Variants in C4orf51 observed in about 807,000 individuals in gnomAD.
C4orf51 encodes the protein chromosome 4 open reading frame 51, also known as uncharacterized protein C4orf51.
Under a neutral mutation model 25.2 loss-of-function variants are expected in C4orf51, and 25 were observed. The observed-to-expected ratio is 0.99, with a 90% confidence interval of 0.72 to 1.39. C4orf51 has a LOEUF of 1.39. Among genes scored for constraint, C4orf51 ranks in the 40% most tolerant of loss-of-function variants. The pLI is 0.00. For synonymous variants in C4orf51, 100 were observed against 84.5 expected (o/e 1.18, Z -1.01); for missense variants, 252 against 239.6 (o/e 1.05, Z -0.34).
intron 2 of C4orf51, among the ~76,000 whole-genome samples, chr4:145,704,693 A>G (rs1326939227): frequency 6.6e-6 from 1 of 152,112 alleles, no homozygotes; most frequent in South Asian, 2.1e-4. Context: ...TCTGTCTTTG[A>G]TTTTTGAAAG....
chr4:145,696,565 A>G lies in C4orf51; in HGVS notation c.240A>G (p.Ser80=). The change falls in exon 2 of 6, where the codon TCA becomes TCG. Residue 80 remains serine, a synonymous_variant. Transcript: ENST00000438731. ...GQHEPECKQM[S]LTNSSACHLL... is the part of the protein sequence containing the mutation. ...TTCTACTTGCTTTCCTTAGGATGTCATTGACAAACAGTTCTGCCTGTCATC... is the reference window on the plus strand; with the variant it reads ...TTCTACTTGCTTTCCTTAGGATGTCGTTGACAAACAGTTCTGCCTGTCATC... The G allele has an allele frequency of 6.2e-7, 1 of 1,613,192 alleles. No homozygotes were observed. Among genetic ancestry groups the G allele is most frequent in the South Asian group, 1.1e-5 (1 of 91,020 alleles).
At chr4:145,768,204 G>GC (rs1735615313) in intron 1 of C4orf51, among the ~76,000 whole-genome samples, 1 of 152,128 alleles carries the variant, frequency 6.6e-6, no homozygotes, top group Non-Finnish European at 1.5e-5. Context: ...TCACTCTGTT[G>GC]CCCAAGCTGG....
rs1730225414 is a variant in C4orf51 at position 145,698,574 on chromosome 4, G to A, written c.307+1942G>A. 1.3e-5 allele frequency among the ~76,000 whole-genome samples: 2 copies of A among 152,326 alleles called. 1 individual carries two copies. On this transcript the variant is annotated intron_variant, in intron 2 of 5. Coordinates refer to ENST00000438731, the MANE Select transcript of C4orf51 (RefSeq NM_001080531.3). ...TTTTATGATACAAATGAAGCCTACA[G>A]GTAGGTTTCAGAGAGAATAGACTGT...
intron 2 of C4orf51, among the ~76,000 whole-genome samples, chr4:145,699,519 C>G (rs1730292328): frequency 6.6e-6 from 1 of 152,178 alleles, no homozygotes; most frequent in African/African-American, 2.4e-5. Flanking sequence ...TCTCCCTTCT[C>G]TTAATTTCAA....
chr4:145,730,951 T>C (rs544042713), intron 5 of C4orf51, among the ~76,000 whole-genome samples: 31 of 152,292 alleles, frequency 2.0e-4, no homozygotes, highest in Non-Finnish European at 4.4e-4. Context: ...CTTTTCTGCT[T>C]AGGACCTGAT....
At chr4:145,722,059 G>A (rs1271884056) in intron 2 of C4orf51, among the ~76,000 whole-genome samples, 1 of 152,076 alleles carries the variant, frequency 6.6e-6, no homozygotes, top group East Asian at 1.9e-4. Flanking sequence ...ACCAAGTTAA[G>A]GCAGATAAAT....
intron 1 of C4orf51, chr4:145,764,997 C>T: frequency 6.2e-7 from 1 of 1,612,692 alleles, no homozygotes; most frequent in Non-Finnish European, 8.5e-7. Context: ...CTTGAGCCCA[C>T]CGGTGGGGAC....
chr4:145,691,060 C>T (rs1383596573), intron 1 of C4orf51, among the ~76,000 whole-genome samples: 2 of 151,830 alleles, frequency 1.3e-5, no homozygotes, highest in Non-Finnish European at 2.9e-5. Context: ...CTATAGTGAG[C>T]TATGATCATG....
the C4orf51 span, among the ~76,000 whole-genome samples, chr4:145,786,404 C>A: frequency 3.9e-5 from 6 of 152,188 alleles, no homozygotes; most frequent in Non-Finnish European, 8.8e-5. Context: ...GACCTCAATG[C>A]ATAAATAACT....
intron 1 of C4orf51, among the ~76,000 whole-genome samples, chr4:145,749,063 GTGTA>G (rs1395124393): frequency 0.03 from 4,233 of 139,868 alleles, 145 homozygotes; most frequent in African/African-American, 0.087. Context: ...GTGTGTGTGT[GTGTA>G]TATATATATA....
intron 1 of C4orf51, among the ~76,000 whole-genome samples, chr4:145,748,038 A>G (rs908517940): frequency 1.3e-5 from 2 of 151,930 alleles, no homozygotes; most frequent in African/African-American, 4.8e-5. Flanking sequence ...TACCACTTTG[A>G]TCTCGTTACA....
chr4:145,765,109 G>A lies in C4orf51; in HGVS notation n.167-5879G>A. Reference sequence around the variant, plus strand: ...CGGGTGATGAGGTGTATCTGCAGATGACGCTCAAACATGTTCTTCGTCTTG... The same window carrying A: ...CGGGTGATGAGGTGTATCTGCAGATAACGCTCAAACATGTTCTTCGTCTTG... On this transcript the variant is annotated intron_variant and non_coding_transcript_variant, in intron 1 of 1. Coordinates refer to the C4orf51 transcript ENST00000510096. This position sits in a 1 kb window ranked among gnomAD's most constrained non-coding sequence, Gnocchi z 4.7. 6.2e-7 allele frequency: 1 copy of A among 1,614,106 alleles called. No individual in the cohort carries two copies. Among genetic ancestry groups the A allele is most frequent in the Non-Finnish European group, 8.5e-7 (1 of 1,180,020 alleles).
At chr4:145,688,910 A>G (rs1729353264) in intron 1 of C4orf51, among the ~76,000 whole-genome samples, 3 of 152,194 alleles carry the variant, frequency 2.0e-5, no homozygotes, top group African/African-American at 7.2e-5. Context: ...AAACAACAAC[A>G]ACAAAAAGGT....
intron 2 of C4orf51, among the ~76,000 whole-genome samples, chr4:145,720,053 A>G (rs1241313623): frequency 6.6e-6 from 1 of 152,120 alleles, no homozygotes; most frequent in Non-Finnish European, 1.5e-5. Context: ...TGGTTGGATC[A>G]TTTCCAAAGC....
Position 145,680,249 on chromosome 4 carries a change from A to G in C4orf51, c.46A>G (p.Ser16Gly), listed in dbSNP as rs1355951207. The G allele has an allele frequency of 1.9e-6, 3 of 1,613,852 alleles. No individual in the cohort carries two copies. The African/African-American group carries it at 4.0e-5, about 22-fold the overall frequency. ...YLTPQILLPF[S>G]PLTSQEFDLI... is the part of the protein sequence containing the mutation. The stretch of plus-strand genomic sequence containing the variant: ...GACTCCACAAATTCTTCTGCCCTTT[A>G]GCCCTCTTACTTCTCAAGAGTTTGA... The change falls in exon 1 of 6, where the codon AGC (serine) becomes GGC (glycine). Residue 16 changes from serine (S) to glycine (G), a missense_variant. By Grantham distance (56) the Ser-to-Gly change is moderately conservative. Transcript: ENST00000438731.
At chr4:145,750,465 C>T (rs956735557) in intron 1 of C4orf51, among the ~76,000 whole-genome samples, 2 of 135,958 alleles carry the variant, frequency 1.5e-5, no homozygotes, top group Non-Finnish European at 3.1e-5. Flanking sequence ...TCATGCCACT[C>T]TCTCTTGGGC....
At chr4:145,706,362 G>A (rs1730812187) in intron 2 of C4orf51, among the ~76,000 whole-genome samples, 1 of 152,078 alleles carries the variant, frequency 6.6e-6, no homozygotes, top group Admixed American at 6.6e-5. Context: ...CCTTAGGTTG[G>A]CACCATCAAA....
At chr4:145,719,422 T>C (rs1350940331) in intron 2 of C4orf51, among the ~76,000 whole-genome samples, 1 of 151,770 alleles carries the variant, frequency 6.6e-6, no homozygotes, top group Non-Finnish European at 1.5e-5. Flanking sequence ...TGGCTAACAC[T>C]GTGAAACCCC....
At chr4:145,780,106 G>A in the C4orf51 span, among the ~76,000 whole-genome samples, 4 of 152,164 alleles carry the variant, frequency 2.6e-5, no homozygotes, top group South Asian at 6.2e-4. Flanking sequence ...CACGAGAATC[G>A]CTTGAAGCTG....
Sources: allele counts gnomAD v4.1 joint callset (sites outside exome capture counted in the v4.1 genomes callset), GRCh38; gene constraint gnomAD v4.1.1; non-coding constraint Gnocchi (gnomAD v3.1); transcripts MANE v1.5; gene names NCBI Gene and HGNC (gene_info 2026-07-23, HGNC 2026-07-21).